The following TMEM51 variants were observed in gnomAD, a reference collection of about 807,000 sequenced individuals.
TMEM51 encodes the protein transmembrane protein 51, also known as chromosome 1 open reading frame 72.
In TMEM51, 8 loss-of-function variants were observed where a neutral mutation model predicts 13.6. The ratio of observed to expected loss-of-function variants is 0.59; its 90% CI spans 0.35 to 1.07. The LOEUF is 1.07. TMEM51 is among the 50% of genes least tolerant of loss of function. The pLI is 0.02. For synonymous variants in TMEM51, 147 were observed against 144.4 expected (o/e 1.02, Z -0.13); for missense variants, 279 against 330.7 (o/e 0.84, Z 1.21).
chr1:15,189,353 G>A (rs1391400301), intron 1 of TMEM51, among the ~76,000 whole-genome samples: 1 of 151,380 alleles, frequency 6.6e-6, no homozygotes, highest in Admixed American at 6.6e-5. Flanking sequence ...ACCTCGCCCA[G>A]CCATTGTCAT....
intron 1 of TMEM51, among the ~76,000 whole-genome samples, chr1:15,184,637 G>T (rs958743342): frequency 6.6e-6 from 1 of 152,134 alleles, no homozygotes; most frequent in African/African-American, 2.4e-5. Flanking sequence ...AGACAAAGGT[G>T]GTAGTGATGG....
chr1:15,196,326 T>C (rs1040219699), intron 1 of TMEM51, among the ~76,000 whole-genome samples: 5 of 152,162 alleles, frequency 3.3e-5, no homozygotes, highest in African/African-American at 1.2e-4. Flanking sequence ...AGTGCTGTGA[T>C]GGGAATATTT....
upstream of TMEM51, chr1:15,152,808 C>G (rs942497062): frequency 2.6e-5 from 4 of 151,538 alleles, no homozygotes; most frequent in Admixed American, 2.0e-4. Flanking sequence ...GCGCCGACTT[C>G]GGGTTTGCAC....
chr1:15,172,145 G>A (rs1207766733), intron 1 of TMEM51, among the ~76,000 whole-genome samples: 4 of 152,182 alleles, frequency 2.6e-5, no homozygotes, highest in Admixed American at 2.6e-4. Flanking sequence ...GGGAGGCTGA[G>A]GCAGGTGGAT....
intron 1 of TMEM51, among the ~76,000 whole-genome samples, chr1:15,173,654 A>C (rs1265363694): frequency 6.7e-6 from 1 of 150,016 alleles, no homozygotes; most frequent in Non-Finnish European, 1.5e-5. Context: ...TTTTTCTTTA[A>C]GCAAATTTCA....
At chr1:15,153,019 C>T (rs76660040), upstream of TMEM51, among the ~76,000 whole-genome samples, 2,735 of 152,336 alleles carry the variant, frequency 0.018, 93 homozygotes, top group African/African-American at 0.062. Context: ...CGCAAGAACC[C>T]GGAATGGGCC....
chr1:15,211,403 C>T (rs1187264833), intron 2 of TMEM51, among the ~76,000 whole-genome samples: 1 of 152,136 alleles, frequency 6.6e-6, no homozygotes, highest in Non-Finnish European at 1.5e-5. Context: ...GGTGATCTTA[C>T]CCCATTGAGA....
chr1:15,218,408 G>C (rs540833938), intron 3 of TMEM51, among the ~76,000 whole-genome samples: 15 of 152,300 alleles, frequency 9.8e-5, no homozygotes, highest in African/African-American at 3.6e-4. Flanking sequence ...AGGCTTAAAG[G>C]CAAAGGAGGT....
chr1:15,187,141 G>A lies in TMEM51; in HGVS notation c.-266-23349G>A, dbSNP rs189399493. 1.3e-3 allele frequency among the ~76,000 whole-genome samples: 203 copies of A among 152,196 alleles called. 1 individual carries two copies. Among genetic ancestry groups the A allele is most frequent in the Middle Eastern group, 6.8e-3 (2 of 294 alleles). On this transcript the variant is annotated intron_variant, in intron 1 of 3. Transcript: ENST00000376008. Reference sequence around the variant, plus strand: ...CCACAGCTATCCAGTGGGAGTGTGCGGCCCCAGGCAGAGTCACCCTCCTTC... The same window carrying A: ...CCACAGCTATCCAGTGGGAGTGTGCAGCCCCAGGCAGAGTCACCCTCCTTC...
chr1:15,219,556 C>G lies in TMEM51; in HGVS notation c.575C>G (p.Ser192Cys). The G allele has an allele frequency of 6.2e-7, 1 of 1,614,108 alleles. No individual in the cohort carries two copies. The highest frequency in any genetic ancestry group is 1.1e-5 in the South Asian group (1 of 91,082). ...GGGAACCCCCCTGACAGGCAGAACT[C>G]TAAGTTGGCCAAACGACTGAAACCG... ...SPGNPPDRQN[S>C]KLAKRLKPLK... The change falls in exon 4 of 4, where the codon TCT becomes TGT. Residue 192 changes from serine (S) to cysteine (C), a missense_variant. Coordinates refer to ENST00000376008, the MANE Select transcript of TMEM51 (RefSeq NM_001136218.2).
intron 1 of TMEM51, among the ~76,000 whole-genome samples, chr1:15,203,915 G>A (rs947499634): frequency 3.9e-5 from 6 of 152,154 alleles, no homozygotes; most frequent in Admixed American, 2.6e-4. Flanking sequence ...ATACAAACCC[G>A]GCCTCTGATC....
chr1:15,212,391 A>G (rs1644354788), intron 2 of TMEM51, among the ~76,000 whole-genome samples: 1 of 152,218 alleles, frequency 6.6e-6, no homozygotes, highest in Non-Finnish European at 1.5e-5. Context: ...CTCGTGCAGC[A>G]TAAGGCAAAG....
chr1:15,157,111 T>C (rs1642615549), intron 1 of TMEM51, among the ~76,000 whole-genome samples: 1 of 152,178 alleles, frequency 6.6e-6, no homozygotes, highest in African/African-American at 2.4e-5. Flanking sequence ...GGTTTCCCAA[T>C]ACCAGGCCAC....
chr1:15,192,087 C>T (rs1313540688), intron 1 of TMEM51: 16 of 500,296 alleles, frequency 3.2e-5, no homozygotes, highest in East Asian at 1.1e-4. Context: ...ACCTGCCACG[C>T]GACACAGGGA....
intron 1 of TMEM51, among the ~76,000 whole-genome samples, chr1:15,159,035 G>C (rs1048386217): frequency 6.6e-6 from 1 of 152,216 alleles, no homozygotes; most frequent in Non-Finnish European, 1.5e-5. Context: ...CGGTTATACT[G>C]TGATCCTGGG....
At chr1:15,213,394 C>T (rs1178211913) in intron 2 of TMEM51, among the ~76,000 whole-genome samples, 3 of 152,348 alleles carry the variant, frequency 2.0e-5, no homozygotes, top group African/African-American at 7.2e-5. Flanking sequence ...CCTGGTCAGT[C>T]ATCCTTTCGG....
At chr1:15,184,576 G>T (rs1643715468) in intron 1 of TMEM51, among the ~76,000 whole-genome samples, 1 of 152,162 alleles carries the variant, frequency 6.6e-6, no homozygotes. Context: ...CAGGGCAGCT[G>T]CAGAGAGACC....
intron 1 of TMEM51, among the ~76,000 whole-genome samples, chr1:15,201,741 T>C (rs955174045): frequency 2.0e-5 from 3 of 152,174 alleles, no homozygotes; most frequent in African/African-American, 7.2e-5. Context: ...AAAAGAGCTC[T>C]TGGCAGCAGG....
chr1:15,167,170 A>G (rs1052046866), intron 1 of TMEM51, among the ~76,000 whole-genome samples: 3 of 151,960 alleles, frequency 2.0e-5, no homozygotes, highest in Admixed American at 6.6e-5. Context: ...TCCTAAAAAA[A>G]CAAAAAATTA....
Sources: allele counts gnomAD v4.1 joint callset (sites outside exome capture counted in the v4.1 genomes callset), GRCh38; gene constraint gnomAD v4.1.1; transcripts MANE v1.5; gene names NCBI Gene and HGNC (gene_info 2026-07-23, HGNC 2026-07-21).